The following MORN5 variants were observed in gnomAD, a reference collection of about 807,000 sequenced individuals.
MORN5 encodes the protein MORN repeat containing 5.
A neutral mutation model predicts 22.1 loss-of-function variants in MORN5; 21 were observed. That is an observed-to-expected ratio of 0.95 (90% CI 0.67 to 1.37). The LOEUF is 1.37. Among genes scored for constraint, MORN5 ranks in the 40% most tolerant of loss-of-function variants. The pLI is 0.00. For synonymous variants in MORN5, 73 were observed against 74.0 expected, an observed-to-expected ratio of 0.99 and a Z score of 0.07; for missense variants, 211 against 215.1, an observed-to-expected ratio of 0.98 and a Z score of 0.12.
chr9:122,198,894 A>G (rs1039333550), intron 4 of MORN5, among the ~76,000 whole-genome samples: 1 of 152,346 alleles, frequency 6.6e-6, no homozygotes, highest in Admixed American at 6.5e-5. Context: ...CCACAGCACA[A>G]TGCCATTTCT....
At chr9:122,181,141 C>G (rs1403845588) in intron 4 of MORN5, among the ~76,000 whole-genome samples, 1 of 152,246 alleles carries the variant, frequency 6.6e-6, no homozygotes. Context: ...AACCCAGTGG[C>G]TCTCAGGACA....
Position 122,169,773 on chromosome 9 carries a change from C to T in MORN5, c.307+17C>T. On this transcript the variant is annotated intron_variant, in intron 3 of 4. Coordinates refer to ENST00000373764, the MANE Select transcript of MORN5 (RefSeq NM_198469.4). ...AGCCTGCAGGTACCCAGGCACCCAC[C>T]CTTTCCTTCATACCCAAACTGAGAG... 7.2e-6 allele frequency: 11 copies of T among 1,520,414 alleles called. No homozygotes were observed. Among genetic ancestry groups the T allele is most frequent in the Non-Finnish European group, 9.1e-6 (10 of 1,094,278 alleles). 94.2% of individuals were successfully genotyped at this position (1,520,414 alleles called of 1,614,324 possible).
At position 122,199,950 on chromosome 9, in the gene MORN5, A is replaced by G. The variant is rs1829979780; in HGVS notation, c.*19A>G. On this transcript the variant is annotated 3_prime_UTR_variant, in exon 5 of 5. Coordinates refer to ENST00000373764, the MANE Select transcript of MORN5 (RefSeq NM_198469.4). ...GGGCTAGGATGAGATCGTGGGTCAC[A>G]GGCCCGAGCCGTGAACTCTGTGGCT... The G allele has an allele frequency of 6.2e-7, 1 of 1,613,730 alleles. No individual in the cohort carries two copies.
At chr9:122,171,318 A>G (rs1829362709) in intron 3 of MORN5, among the ~76,000 whole-genome samples, 1 of 152,194 alleles carries the variant, frequency 6.6e-6, no homozygotes, top group South Asian at 2.1e-4. Flanking sequence ...TGGGTCAGTT[A>G]GTTGACCGGG....
chr9:122,164,700 G>A lies in MORN5; in HGVS notation c.48-2068G>A, dbSNP rs138340100. ...AGAGAAGGGTGTAGAACTTGAATAT[G>A]GAGATGGTGCTTAGAAATGATAGAT... is the stretch of plus-strand genomic sequence containing the variant. On this transcript the variant is annotated intron_variant, in intron 1 of 4. Coordinates refer to ENST00000373764, the MANE Select transcript of MORN5 (RefSeq NM_198469.4). The A allele has an allele frequency of 9.5e-3, 8,331 of 875,764 alleles. 74 individuals are homozygous for A. Among genetic ancestry groups the A allele is most frequent in the Admixed American group, 0.051 (820 of 16,146 alleles). The allele number at this position is 875,764 out of a possible 1,614,324, so 54.2% of individuals were successfully genotyped here.
rs188825676 is a variant in MORN5 at position 122,195,499 on chromosome 9, G to A, written c.440-4386G>A. On this transcript the variant is annotated intron_variant, in intron 4 of 4. Coordinates refer to ENST00000373764, the MANE Select transcript of MORN5 (RefSeq NM_198469.4). Reference sequence around the variant, plus strand: ...TTTGGTGACAGTTTTGGGGAGTATCGGTCAGATATTTTGTAGGATGCCCCT... The same window carrying A: ...TTTGGTGACAGTTTTGGGGAGTATCAGTCAGATATTTTGTAGGATGCCCCT... 7.9e-4 allele frequency among the ~76,000 whole-genome samples: 120 copies of A among 152,176 alleles called. 2 individuals carry two copies. The highest frequency in any genetic ancestry group is 6.4e-3 in the Admixed American group (98 of 15,284).
intron 4 of MORN5, among the ~76,000 whole-genome samples, chr9:122,176,973 A>C (rs537602679): frequency 6.6e-6 from 1 of 152,374 alleles, no homozygotes; most frequent in East Asian, 1.9e-4. Flanking sequence ...GGTAACAGAG[A>C]AAGTAACTGC....
rs533996555 is a variant in MORN5, at chr9:122,194,635, C to T, written c.440-5250C>T. ...CATCTGGGAGAGTATTTATTAAGCA[C>T]CTACTGTATGCTGGGTCTAGTGGTC... is the stretch of plus-strand genomic sequence containing the variant. On this transcript the variant is annotated intron_variant, in intron 4 of 4. Coordinates refer to ENST00000373764, the MANE Select transcript of MORN5 (RefSeq NM_198469.4). Among the ~76,000 whole-genome samples the T allele has an allele frequency of 5.9e-5, 9 of 152,228 alleles. No individual in the cohort carries two copies. In the East Asian group the frequency reaches 1.7e-3, roughly 29 times the overall value.
At chr9:122,167,263 G>T (rs916325440) in intron 2 of MORN5, among the ~76,000 whole-genome samples, 22 of 150,998 alleles carry the variant, frequency 1.5e-4, no homozygotes, top group African/African-American at 5.4e-4. Flanking sequence ...TGCCAGGATG[G>T]TCTCAGTCTC....
At chr9:122,164,651 A>T in intron 1 of MORN5, 1 of 985,440 alleles carries the variant, frequency 1.0e-6, no homozygotes, top group Non-Finnish European at 1.2e-6. Flanking sequence ...GTTCAAGGTA[A>T]GAAAAGGGGT....
At chr9:122,186,549 A>G (rs772453326) in intron 4 of MORN5, among the ~76,000 whole-genome samples, 1 of 152,020 alleles carries the variant, frequency 6.6e-6, no homozygotes, top group Non-Finnish European at 1.5e-5. Flanking sequence ...ATAACAGCCT[A>G]CCCAGCTTGC....
intron 4 of MORN5, among the ~76,000 whole-genome samples, chr9:122,191,598 C>T (rs538810258): frequency 6.6e-6 from 1 of 152,346 alleles, no homozygotes; most frequent in South Asian, 2.1e-4. Context: ...TTGGTCTCTT[C>T]CCTTCCCTAC....
At chr9:122,187,529 T>C (rs1829662847) in intron 4 of MORN5, among the ~76,000 whole-genome samples, 1 of 152,092 alleles carries the variant, frequency 6.6e-6, no homozygotes, top group African/African-American at 2.4e-5. Context: ...CCAAAACCAG[T>C]GCAGGGCTAG....
intron 3 of MORN5, 72 bp downstream of exon 3, chr9:122,169,828 C>G (rs1352810920): frequency 9.8e-7 from 1 of 1,017,094 alleles, no homozygotes; most frequent in African/African-American, 1.6e-5. Context: ...GATAAGTGGA[C>G]TGTGTCCTAC....
chr9:122,191,029 A>G (rs1829751833), intron 4 of MORN5, among the ~76,000 whole-genome samples: 1 of 152,222 alleles, frequency 6.6e-6, no homozygotes. Flanking sequence ...AAAAGACGAC[A>G]GCCCCTATGA....
intron 4 of MORN5, among the ~76,000 whole-genome samples, chr9:122,187,406 C>T (rs1283528166): frequency 6.6e-6 from 1 of 152,222 alleles, no homozygotes; most frequent in Non-Finnish European, 1.5e-5. Context: ...CTCATCGTTT[C>T]TTATGCACCT....
At position 122,199,877 on chromosome 9, in the gene MORN5, C is replaced by T; in HGVS notation, c.440-8C>T. ...CAAGCATGACCAGCTCTTCCTCTTT[C>T]CTTGCAGATGATGACGAGCATGAGT... On this transcript the variant is annotated splice_region_variant and splice_polypyrimidine_tract_variant and intron_variant, in intron 4 of 4. Coordinates refer to ENST00000373764, the MANE Select transcript of MORN5 (RefSeq NM_198469.4). 2 of 1,613,910 alleles carry T rather than the reference C, an allele frequency of 1.2e-6. No individual in the cohort carries two copies. The highest frequency in any genetic ancestry group is 2.7e-5 in the African/African-American group (2 of 75,040).
intron 4 of MORN5, among the ~76,000 whole-genome samples, chr9:122,193,840 G>A (rs369469069): frequency 2.6e-5 from 4 of 152,152 alleles, no homozygotes; most frequent in African/African-American, 4.8e-5. Flanking sequence ...CAGTTCCTCC[G>A]GTGGCTGCAT....
At chr9:122,195,137 A>C (rs1285975785) in intron 4 of MORN5, among the ~76,000 whole-genome samples, 1 of 152,042 alleles carries the variant, frequency 6.6e-6, no homozygotes, top group Non-Finnish European at 1.5e-5. Flanking sequence ...AGGGATGTCC[A>C]CTCCTCTTAG....
Sources: gnomAD v4.1 joint callset for allele counts (sites outside exome capture counted in the v4.1 genomes callset) on GRCh38, gnomAD v4.1.1 for gene constraint, MANE v1.5 for transcripts, NCBI Gene and HGNC (gene_info 2026-07-23, HGNC 2026-07-21) for gene names.